The following KCNU1 variants were observed in gnomAD, a reference collection of about 807,000 sequenced individuals.
KCNU1 encodes potassium channel subfamily U member 1.
Under a neutral mutation model 126.8 loss-of-function variants are expected in KCNU1, and 93 were observed. The ratio of observed to expected loss-of-function variants is 0.73; its 90% CI spans 0.62 to 0.87. KCNU1 has a LOEUF of 0.87. Ranked by LOEUF, KCNU1 falls within the 40% of genes least tolerant of loss-of-function variation. The probability of loss-of-function intolerance (pLI) is 0.00; values close to 1 mark genes in which losing one functional copy is unlikely to be tolerated. For synonymous variants in KCNU1, 523 were observed against 494.2 expected, an observed-to-expected ratio of 1.06 and a Z score of -0.77; for missense variants, 1,330 against 1,367.1, an observed-to-expected ratio of 0.97 and a Z score of 0.43.
At chr8:36,787,651 T>C (rs1563254871) in intron 2 of KCNU1, among the ~76,000 whole-genome samples, 1 of 148,384 alleles carries the variant, frequency 6.7e-6, no homozygotes, top group East Asian at 1.9e-4. Flanking sequence ...AATTAGATTA[T>C]ATTATTATAA....
At chr8:36,890,904 C>T (rs548113397) in intron 19 of KCNU1, among the ~76,000 whole-genome samples, 84 of 150,436 alleles carry the variant, frequency 5.6e-4, no homozygotes, top group African/African-American at 1.9e-3. Flanking sequence ...ATTTTCATGC[C>T]GTTATTTTCC....
chr8:36,878,484 C>T (rs150500414), intron 19 of KCNU1, among the ~76,000 whole-genome samples: 2,766 of 152,288 alleles, frequency 0.018, 37 homozygotes, highest in Middle Eastern at 0.037. Flanking sequence ...TGCTCACAAA[C>T]TAGGTGACTA....
At position 36,807,090 on chromosome 8, in the gene KCNU1, A is replaced by G. The variant is rs527641827; in HGVS notation, c.581-285A>G. Among the ~76,000 whole-genome samples, 41 of 152,292 alleles carry G rather than the reference A, an allele frequency of 2.7e-4. No homozygotes were observed. In the South Asian group the frequency reaches 3.5e-3, roughly 13 times the overall value. On this transcript the variant is annotated intron_variant, in intron 5 of 26. Transcript: ENST00000399881. ...CTTCTACATGCTTGATATGGATGCTACAACTCTGTGAGGTTGGTACTATTA... is the reference window on the plus strand; with the variant it reads ...CTTCTACATGCTTGATATGGATGCTGCAACTCTGTGAGGTTGGTACTATTA...
intron 24 of KCNU1, among the ~76,000 whole-genome samples, chr8:36,926,417 G>A (rs539262236): frequency 8.2e-4 from 124 of 150,658 alleles, no homozygotes; most frequent in Admixed American, 5.5e-3. Flanking sequence ...ACCCTGCCTT[G>A]CCCACCCACA....
chr8:36,879,929 C>T (rs906681515), intron 19 of KCNU1, among the ~76,000 whole-genome samples: 3 of 152,120 alleles, frequency 2.0e-5, no homozygotes, highest in African/African-American at 2.4e-5. Flanking sequence ...CAAGTACTTG[C>T]GTAAAAGCAA....
intron 19 of KCNU1, among the ~76,000 whole-genome samples, chr8:36,895,089 ATT>A (rs970637364): frequency 2.1e-5 from 3 of 145,870 alleles, no homozygotes; most frequent in African/African-American, 5.0e-5. Flanking sequence ...GTTTTTTGTG[ATT>A]TTTTTTTTTT....
chr8:36,931,639 T>C (rs182617581), intron 25 of KCNU1, among the ~76,000 whole-genome samples: 1 of 152,076 alleles, frequency 6.6e-6, no homozygotes, highest in Non-Finnish European at 1.5e-5. Context: ...GAGACCACAT[T>C]GTCAATCAGT....
At chr8:36,826,733 T>C (rs1436836314) in intron 10 of KCNU1, among the ~76,000 whole-genome samples, 1 of 152,148 alleles carries the variant, frequency 6.6e-6, no homozygotes, top group Non-Finnish European at 1.5e-5. Context: ...AAAGTAACTT[T>C]TATTTTCATT....
chr8:36,934,633 G>A (rs1432062804), intron 26 of KCNU1, among the ~76,000 whole-genome samples: 2 of 152,172 alleles, frequency 1.3e-5, no homozygotes, highest in Admixed American at 1.3e-4. Flanking sequence ...AAATAGAATT[G>A]AGGCTACAGA....
chr8:36,910,042 C>T (rs1482836667), intron 21 of KCNU1, among the ~76,000 whole-genome samples: 2 of 152,052 alleles, frequency 1.3e-5, no homozygotes, highest in Non-Finnish European at 2.9e-5. Flanking sequence ...TGTGGTATGG[C>T]GGTTGCAACT....
At chr8:36,818,329 T>C (rs569548013) in intron 10 of KCNU1, among the ~76,000 whole-genome samples, 7 of 152,256 alleles carry the variant, frequency 4.6e-5, no homozygotes, top group African/African-American at 1.7e-4. Context: ...ATGTTTTGAC[T>C]GTTGGCTTTT....
At chr8:36,908,285 T>C (rs1554516612) in intron 20 of KCNU1, among the ~76,000 whole-genome samples, 1 of 152,190 alleles carries the variant, frequency 6.6e-6, no homozygotes, top group Non-Finnish European at 1.5e-5. Flanking sequence ...CATATTCTTT[T>C]GTTTTCAACT....
In KCNU1 at chr8:36,858,599, C is replaced by T. The variant is rs757491746; in HGVS notation, c.1892-5805C>T. ...AAAAGAAATTACACATACAAGCACA[C>T]ACATGCATATGCTTCTGTCATTCTG... On this transcript the variant is annotated intron_variant, in intron 18 of 26. Coordinates refer to ENST00000399881, the MANE Select transcript of KCNU1 (RefSeq NM_001031836.3). Among the ~76,000 whole-genome samples, 19 of 152,286 alleles carry T rather than the reference C, an allele frequency of 1.2e-4. No individual in the cohort carries two copies. The Middle Eastern group carries it at 0.01, about 82-fold the overall frequency.
chr8:36,848,270 C>A (rs1040262965), intron 18 of KCNU1, among the ~76,000 whole-genome samples: 1 of 152,104 alleles, frequency 6.6e-6, no homozygotes, highest in Non-Finnish European at 1.5e-5. Flanking sequence ...TGATTGTTTT[C>A]TTTGCTGTGC....
chr8:36,789,057 A>T (rs1418189592), intron 2 of KCNU1, among the ~76,000 whole-genome samples: 1 of 152,178 alleles, frequency 6.6e-6, no homozygotes, highest in Non-Finnish European at 1.5e-5. Context: ...TAAAGCTTAG[A>T]TTAGAATAAA....
chr8:36,896,930 T>C (rs1160203959), intron 19 of KCNU1, among the ~76,000 whole-genome samples: 1 of 152,182 alleles, frequency 6.6e-6, no homozygotes, highest in South Asian at 2.1e-4. Flanking sequence ...AAGCCAAGGT[T>C]GATTACCTAA....
chr8:36,913,001 T>C lies in KCNU1; in HGVS notation c.2521+1882T>C, dbSNP rs1009344430. ...AAAAGCTTATAAATCCATATACAAATGAAAATGCATGCACAATATAAGCCC... is the reference window on the plus strand; with the variant it reads ...AAAAGCTTATAAATCCATATACAAACGAAAATGCATGCACAATATAAGCCC... On this transcript the variant is annotated intron_variant, in intron 22 of 26. Coordinates refer to ENST00000399881, the MANE Select transcript of KCNU1 (RefSeq NM_001031836.3). 5.1e-5 allele frequency among the ~76,000 whole-genome samples: 5 copies of C among 98,260 alleles called. No homozygotes were observed. The East Asian group carries it at 1.4e-3, about 28-fold the overall frequency. The allele number at this position is 98,260 out of a possible 152,430, so 64.5% of individuals were successfully genotyped here. A position where few individuals can be genotyped will look rare whatever the true frequency, so the allele number is the denominator to read the frequency against.
At position 36,897,341 on chromosome 8, in the gene KCNU1, T is replaced by TC. The variant is rs1431015986; in HGVS notation, c.2010-8361dup. 2.6e-5 allele frequency among the ~76,000 whole-genome samples: 4 copies of TC among 151,786 alleles called. No homozygotes were observed. In the East Asian group the frequency reaches 5.8e-4, roughly 22 times the overall value. ...TTTTTCTCTGTCTATCTTTTTTCTCTCCCCCCATAAATGGCTGCAACTAAG... is the reference window on the plus strand; with the variant it reads ...TTTTTCTCTGTCTATCTTTTTTCTCTCCCCCCCATAAATGGCTGCAACTAAG... On this transcript the variant is annotated intron_variant, in intron 19 of 26. Transcript: ENST00000399881.
chr8:36,836,634 G>C (rs1174273727), intron 13 of KCNU1, among the ~76,000 whole-genome samples, 159 bp from the exon 14 acceptor site: 1 of 152,090 alleles, frequency 6.6e-6, no homozygotes, highest in African/African-American at 2.4e-5. Context: ...TGCTGAATTT[G>C]TTCTTATCAT....
Sources: allele counts gnomAD v4.1 joint callset (sites outside exome capture counted in the v4.1 genomes callset), GRCh38; gene constraint gnomAD v4.1.1; transcripts MANE v1.5; gene names NCBI Gene and HGNC (gene_info 2026-07-23, HGNC 2026-07-21).